COMMD10: variants seen among roughly 807,000 people sequenced by gnomAD.
The protein encoded by COMMD10 is COMM domain-containing protein 10.
A neutral mutation model predicts 28.9 loss-of-function variants in COMMD10; 33 were observed. The ratio of observed to expected loss-of-function variants is 1.14; its 90% CI spans 0.87 to 1.53. The LOEUF (loss-of-function observed/expected upper bound fraction) is 1.53, where lower values mean the gene tolerates loss of function less well. Among genes scored for constraint, COMMD10 ranks in the 40% most tolerant of loss-of-function variants. The pLI is 0.00. For synonymous variants in COMMD10, 110 were observed against 81.7 expected, an observed-to-expected ratio of 1.35 and a Z score of -1.87; for missense variants, 310 against 233.4, an observed-to-expected ratio of 1.33 and a Z score of -2.14.
intron 4 of COMMD10, among the ~76,000 whole-genome samples, chr5:116,102,812 C>T (rs1467640953): frequency 6.6e-6 from 1 of 152,126 alleles, no homozygotes; most frequent in South Asian, 2.1e-4. Flanking sequence ...GCTATCCCTC[C>T]ACCAGCCCCC....
chr5:116,192,263 C>G (rs1355135394), intron 5 of COMMD10, among the ~76,000 whole-genome samples: 1 of 1,466 alleles, frequency 6.8e-4, no homozygotes, highest in Non-Finnish European at 2.3e-3. Context: ...TCTTTAACAA[C>G]CCCCCCCCCC....
intron 5 of COMMD10, among the ~76,000 whole-genome samples, chr5:116,154,734 T>C (rs993897049): frequency 1.3e-5 from 2 of 151,998 alleles, no homozygotes; most frequent in African/African-American, 4.8e-5. Flanking sequence ...GAACTTACTT[T>C]TCTTTTTCTT....
At chr5:116,259,324 A>G (rs1199219709) in intron 5 of COMMD10, among the ~76,000 whole-genome samples, 5 of 150,424 alleles carry the variant, frequency 3.3e-5, no homozygotes, top group Admixed American at 3.3e-4. Flanking sequence ...AAGGCTTTGT[A>G]TTGTCATTAT....
chr5:116,095,328 C>G (rs755321448), intron 4 of COMMD10, among the ~76,000 whole-genome samples: 1 of 152,046 alleles, frequency 6.6e-6, no homozygotes, highest in Non-Finnish European at 1.5e-5. Flanking sequence ...AACAAATAGG[C>G]TTTGTGTTAG....
intron 5 of COMMD10, among the ~76,000 whole-genome samples, chr5:116,246,922 G>T (rs866904520): frequency 6.6e-6 from 1 of 152,082 alleles, no homozygotes; most frequent in African/African-American, 2.4e-5. Flanking sequence ...CACGGGCAAA[G>T]ATTTCATGAT....
intron 5 of COMMD10, among the ~76,000 whole-genome samples, chr5:116,150,288 T>C (rs978175688): frequency 6.6e-6 from 1 of 152,182 alleles, no homozygotes; most frequent in East Asian, 1.9e-4. Context: ...AGTCAGGTAG[T>C]GTGATGCCTC....
chr5:116,187,611 A>C lies in COMMD10; in HGVS notation c.510+53433A>C, dbSNP rs76142713. On this transcript the variant is annotated intron_variant, in intron 5 of 6. Transcript: ENST00000274458. Reference sequence around the variant, plus strand: ...TTACTTCATGCATTAACATTCTCTAAATTACTTCATATATTAACATTTACA... The same window carrying C: ...TTACTTCATGCATTAACATTCTCTACATTACTTCATATATTAACATTTACA... Among the ~76,000 whole-genome samples the C allele has an allele frequency of 2.6e-3, 390 of 152,242 alleles. 2 individuals carry two copies. Among genetic ancestry groups the C allele is most frequent in the African/African-American group, 8.9e-3 (372 of 41,578 alleles).
intron 5 of COMMD10, among the ~76,000 whole-genome samples, chr5:116,144,696 TTC>T (rs1457283538): frequency 6.6e-6 from 1 of 151,882 alleles, no homozygotes; most frequent in African/African-American, 2.4e-5. Flanking sequence ...TAAAATGGAC[TTC>T]TCTGATAACC....
At chr5:116,268,691 C>T (rs1283585971) in intron 5 of COMMD10, among the ~76,000 whole-genome samples, 2 of 151,812 alleles carry the variant, frequency 1.3e-5, no homozygotes, top group Non-Finnish European at 2.9e-5. Flanking sequence ...AGACTTGGAA[C>T]CAACCCAAAT....
At chr5:116,107,486 G>GTA in intron 4 of COMMD10, among the ~76,000 whole-genome samples, 1 of 152,134 alleles carries the variant, frequency 6.6e-6, no homozygotes, top group African/African-American at 2.4e-5. Context: ...TGATACTTGT[G>GTA]TATGCTTCAT....
chr5:116,193,110 T>A (rs973306717), intron 5 of COMMD10, among the ~76,000 whole-genome samples: 6 of 152,196 alleles, frequency 3.9e-5, no homozygotes, highest in African/African-American at 1.4e-4. Context: ...AAACAAATGC[T>A]GCGTGAATTC....
chr5:116,161,251 C>T (rs1361990031), intron 5 of COMMD10, among the ~76,000 whole-genome samples: 1 of 152,086 alleles, frequency 6.6e-6, no homozygotes, highest in Non-Finnish European at 1.5e-5. Context: ...TTATCTTCGT[C>T]ATCTTTAAAA....
intron 4 of COMMD10, among the ~76,000 whole-genome samples, chr5:116,103,490 C>G (rs1291399186): frequency 6.6e-6 from 1 of 152,052 alleles, no homozygotes; most frequent in Non-Finnish European, 1.5e-5. Flanking sequence ...CTGTTCATAT[C>G]CTTTGCCCAC....
At chr5:116,133,564 G>A (rs1004934549) in intron 4 of COMMD10, among the ~76,000 whole-genome samples, 5 of 151,950 alleles carry the variant, frequency 3.3e-5, no homozygotes, top group Admixed American at 1.3e-4. Context: ...CTTACCATCT[G>A]GATACTTTAG....
chr5:116,256,975 A>G (rs959114078), intron 5 of COMMD10, among the ~76,000 whole-genome samples: 2 of 151,800 alleles, frequency 1.3e-5, no homozygotes, highest in Admixed American at 6.6e-5. Context: ...ATGAGTTCAG[A>G]GTAACTAAGC....
intron 5 of COMMD10, 34 bp from the exon 6 acceptor site, chr5:116,291,483 A>C (rs1751358495): frequency 6.9e-7 from 1 of 1,454,550 alleles, no homozygotes; most frequent in Non-Finnish European, 9.6e-7. Flanking sequence ...ATTGTGTGCA[A>C]CTACATTCTT....
chr5:116,288,975 G>C (rs969791938), intron 5 of COMMD10, among the ~76,000 whole-genome samples: 1 of 146,064 alleles, frequency 6.8e-6, no homozygotes, highest in Non-Finnish European at 1.5e-5. Flanking sequence ...TCTGCCTCCT[G>C]GGTTCAAGTG....
intron 4 of COMMD10, among the ~76,000 whole-genome samples, chr5:116,098,316 A>G (rs1334752392): frequency 6.6e-6 from 1 of 152,176 alleles, no homozygotes; most frequent in Non-Finnish European, 1.5e-5. Context: ...TGTACATGCA[A>G]TGACTTTAAC....
At chr5:116,087,452 A>C (rs752123627) in intron 1 of COMMD10, 45 bp from the exon 2 acceptor site, 1 of 1,207,388 alleles carries the variant, frequency 8.3e-7, no homozygotes, top group Non-Finnish European at 1.2e-6. Context: ...GTGCAGTTCA[A>C]CTTGGAAAAC....
Sources: allele counts gnomAD v4.1 joint callset (sites outside exome capture counted in the v4.1 genomes callset), GRCh38; gene constraint gnomAD v4.1.1; transcripts MANE v1.5; gene names NCBI Gene and HGNC (gene_info 2026-07-23, HGNC 2026-07-21).